The following COL21A1 variants were observed in gnomAD, a reference collection of about 807,000 sequenced individuals.
COL21A1 encodes collagen alpha-1(XXI) chain.
Under a neutral mutation model 137.9 loss-of-function variants are expected in COL21A1, and 149 were observed. The observed-to-expected ratio is 1.08, with a 90% confidence interval of 0.95 to 1.24. The LOEUF (loss-of-function observed/expected upper bound fraction) is 1.24. COL21A1 is among the 50% of genes most tolerant of loss of function. The pLI is 0.00. For synonymous variants in COL21A1, 456 were observed against 391.5 expected, an observed-to-expected ratio of 1.16 and a Z score of -1.95; for missense variants, 1,167 against 1,158.4, an observed-to-expected ratio of 1.01 and a Z score of -0.11.
At chr6:56,373,771 C>A (rs1021153736) in intron 1 of COL21A1, among the ~76,000 whole-genome samples, 1 of 152,140 alleles carries the variant, frequency 6.6e-6, no homozygotes, top group Non-Finnish European at 1.5e-5. Flanking sequence ...AATCTACTGT[C>A]TTAGCAATTT....
At chr6:56,112,522 C>T (rs777888966) in intron 16 of COL21A1, among the ~76,000 whole-genome samples, 2 of 152,034 alleles carry the variant, frequency 1.3e-5, no homozygotes, top group African/African-American at 4.8e-5. Flanking sequence ...CCTTCCCCAG[C>T]AGAGGCAGCA....
At chr6:56,141,528 G>A (rs1462306592) in intron 12 of COL21A1, among the ~76,000 whole-genome samples, 1 of 152,172 alleles carries the variant, frequency 6.6e-6, no homozygotes, top group Non-Finnish European at 1.5e-5. Context: ...ACTCCCTGTG[G>A]AGCTTAACCA....
intron 1 of COL21A1, among the ~76,000 whole-genome samples, chr6:56,313,069 G>A (rs538729222): frequency 3.9e-5 from 6 of 152,178 alleles, no homozygotes; most frequent in East Asian, 3.9e-4. Flanking sequence ...CTGGTTTCTC[G>A]GGATCATTCA....
chr6:56,314,152 T>C (rs905393567), intron 1 of COL21A1, among the ~76,000 whole-genome samples: 2 of 152,072 alleles, frequency 1.3e-5, no homozygotes, highest in African/African-American at 2.4e-5. Context: ...CCCTGGCTGA[T>C]TTTTTGTATT....
chr6:56,322,781 T>A (rs889944143), intron 1 of COL21A1, among the ~76,000 whole-genome samples: 3 of 151,926 alleles, frequency 2.0e-5, no homozygotes, highest in African/African-American at 7.3e-5. Context: ...ATCCTTTATT[T>A]GTGTTAATAT....
chr6:56,251,763 C>T (rs1247878989), upstream of COL21A1, among the ~76,000 whole-genome samples: 1 of 152,232 alleles, frequency 6.6e-6, no homozygotes, highest in Non-Finnish European at 1.5e-5. Flanking sequence ...ACAAGCAGTT[C>T]TCAAATGCTC....
At chr6:56,066,564 G>C (rs1472224698) in intron 23 of COL21A1, among the ~76,000 whole-genome samples, 1 of 151,726 alleles carries the variant, frequency 6.6e-6, no homozygotes, top group Non-Finnish European at 1.5e-5. Context: ...ATTTATGGTT[G>C]GAAAAGTTTT....
At chr6:56,077,722 T>A in intron 17 of COL21A1, 149 bp from the exon 18 acceptor site, 2 of 552,596 alleles carry the variant, frequency 3.6e-6, no homozygotes, top group Non-Finnish European at 3.1e-6. Flanking sequence ...AATAATCCAA[T>A]ATGGAAAAGA....
At position 56,177,052 on chromosome 6, in the gene COL21A1, G is replaced by A. The variant is rs556540883; in HGVS notation, c.640+2526C>T. 5.3e-5 allele frequency among the ~76,000 whole-genome samples: 8 copies of A among 151,838 alleles called. No homozygotes were observed. In the South Asian group the frequency reaches 1.7e-3, roughly 32 times the overall value. On this transcript the variant is annotated intron_variant, in intron 3 of 29. Transcript: ENST00000244728. ...AGAGGAGGAGGAGGAAGTAGTAGTA[G>A]AAGTAGTAGTAGAAAAAGAAGTAGT...
At chr6:56,370,860 C>G (rs1036850669) in intron 1 of COL21A1, among the ~76,000 whole-genome samples, 1 of 152,210 alleles carries the variant, frequency 6.6e-6, no homozygotes, top group Non-Finnish European at 1.5e-5. Flanking sequence ...ACAATTACAT[C>G]AGTTCCTTCC....
At chr6:56,224,880 C>T (rs1368480963) in intron 1 of COL21A1, among the ~76,000 whole-genome samples, 1 of 152,034 alleles carries the variant, frequency 6.6e-6, no homozygotes, top group Non-Finnish European at 1.5e-5. Context: ...TGAACCAAAT[C>T]ACACCAACCT....
intron 20 of COL21A1, among the ~76,000 whole-genome samples, chr6:56,072,956 C>A (rs999452316): frequency 2.0e-5 from 3 of 151,434 alleles, no homozygotes; most frequent in Non-Finnish European, 3.0e-5. Context: ...AACTGTGATA[C>A]TGGAAATCCT....
At chr6:56,074,311 G>T in intron 19 of COL21A1, 26 bp from the exon 20 acceptor site, 1 of 1,472,076 alleles carries the variant, frequency 6.8e-7, no homozygotes, top group Non-Finnish European at 9.3e-7. Flanking sequence ...GGAATTTCAA[G>T]AGTAACTTAG....
chr6:56,057,885 G>GT, intron 29 of COL21A1, 41 bp from the exon 30 acceptor site: 1 of 1,357,552 alleles, frequency 7.4e-7, no homozygotes, highest in South Asian at 1.7e-5. Flanking sequence ...GAGGACTTTA[G>GT]TTTTTTATAA....
In COL21A1 at chr6:56,163,704, C is replaced by T. The variant is rs547604711; in HGVS notation, c.1371+719G>A. On this transcript the variant is annotated intron_variant, in intron 9 of 29. Transcript: ENST00000244728. ...AGCTGGCGATAGAGCAAGGCTCCGT[C>T]TCAAAAAAAAAAAAAAATTTAGTCA... is the stretch of plus-strand genomic sequence containing the variant. Among the ~76,000 whole-genome samples the T allele has an allele frequency of 5.6e-4, 36 of 63,924 alleles. 1 individual carries two copies. The South Asian group carries it at 0.019, about 34-fold the overall frequency. 41.9% of individuals were successfully genotyped at this position (63,924 alleles called of 152,430 possible). A position where few individuals can be genotyped will look rare whatever the true frequency, so the allele number is the denominator to read the frequency against.
intron 1 of COL21A1, among the ~76,000 whole-genome samples, chr6:56,389,040 T>A (rs1191805162): frequency 2.0e-5 from 3 of 152,088 alleles, no homozygotes; most frequent in African/African-American, 7.2e-5. Context: ...AAAAAATAAC[T>A]AATGAGCCTG....
At chr6:56,177,178 A>G (rs988238738) in intron 3 of COL21A1, among the ~76,000 whole-genome samples, 4 of 152,158 alleles carry the variant, frequency 2.6e-5, no homozygotes, top group Non-Finnish European at 5.9e-5. Flanking sequence ...TAAAGGAATC[A>G]TCACCTATCA....
At chr6:56,193,087 G>T (rs1195723399) in intron 1 of COL21A1, among the ~76,000 whole-genome samples, 2 of 152,094 alleles carry the variant, frequency 1.3e-5, no homozygotes, top group Non-Finnish European at 1.5e-5. Flanking sequence ...AACACCGCAT[G>T]TTCTCACTCA....
chr6:56,128,992 C>T (rs2764048), intron 12 of COL21A1, among the ~76,000 whole-genome samples: 116,583 of 152,088 alleles, frequency 0.77, 45,552 homozygotes, highest in African/African-American at 0.91. Flanking sequence ...ACTCTCCCTC[C>T]TCTCCCCAGG....
Sources: allele counts gnomAD v4.1 joint callset (sites outside exome capture counted in the v4.1 genomes callset), GRCh38; gene constraint gnomAD v4.1.1; transcripts MANE v1.5; gene names NCBI Gene and HGNC (gene_info 2026-07-23, HGNC 2026-07-21).